Variants in TM2D1 observed in about 807,000 individuals in gnomAD.
TM2D1 encodes the protein TM2 domain-containing protein 1.
A neutral mutation model predicts 28.4 loss-of-function variants in TM2D1; 15 were observed. The ratio of observed to expected loss-of-function variants is 0.53; its 90% CI spans 0.35 to 0.81. The LOEUF is 0.81. TM2D1 is among the 40% of genes least tolerant of loss of function. The pLI is 0.01. For synonymous variants in TM2D1, 93 were observed against 96.2 expected (o/e 0.97, Z 0.20); for missense variants, 236 against 254.9 (o/e 0.93, Z 0.50).
At chr1:61,693,820 A>G (rs1163938901) in intron 5 of TM2D1, among the ~76,000 whole-genome samples, 1 of 152,244 alleles carries the variant, frequency 6.6e-6, no homozygotes, top group Non-Finnish European at 1.5e-5. Context: ...CACACTTGCT[A>G]AAGACGTTAG....
At chr1:61,705,204 T>C (rs1490263194) in intron 3 of TM2D1, among the ~76,000 whole-genome samples, 2 of 152,070 alleles carry the variant, frequency 1.3e-5, no homozygotes, top group Admixed American at 6.6e-5. Flanking sequence ...CACCGAGCCA[T>C]TTCTCTTTCT....
chr1:61,722,798 A>G (rs963084676), intron 2 of TM2D1, among the ~76,000 whole-genome samples: 5 of 152,152 alleles, frequency 3.3e-5, no homozygotes, highest in African/African-American at 1.2e-4. Context: ...ACACATAAAG[A>G]AGAGTTAGTT....
intron 4 of TM2D1, chr1:61,700,100 G>T: frequency 6.9e-7 from 1 of 1,444,490 alleles, no homozygotes; most frequent in Non-Finnish European, 9.1e-7. Flanking sequence ...TCTGGAGCCA[G>T]AAAATTTGGG....
At chr1:61,714,384 T>C (rs745683603) in intron 2 of TM2D1, among the ~76,000 whole-genome samples, 2 of 151,654 alleles carry the variant, frequency 1.3e-5, no homozygotes, top group African/African-American at 2.4e-5. Flanking sequence ...CTACTAAAAA[T>C]AGAAAAATCA....
chr1:61,704,429 T>C (rs1450067805), intron 3 of TM2D1, among the ~76,000 whole-genome samples: 1 of 151,964 alleles, frequency 6.6e-6, no homozygotes, highest in Non-Finnish European at 1.5e-5. Flanking sequence ...GTTTTTTGTT[T>C]TGTTTTGTTT....
chr1:61,706,121 C>T (rs1022443144), intron 3 of TM2D1, among the ~76,000 whole-genome samples: 2 of 152,104 alleles, frequency 1.3e-5, no homozygotes, highest in Non-Finnish European at 2.9e-5. Context: ...ATTATTTATC[C>T]AGTTATCTTA....
intron 2 of TM2D1, among the ~76,000 whole-genome samples, chr1:61,723,403 T>C (rs1183712260): frequency 1.3e-5 from 2 of 152,214 alleles, no homozygotes; most frequent in Non-Finnish European, 2.9e-5. Context: ...GATATGCTTA[T>C]TAATTTGGGG....
At chr1:61,686,045 T>C (rs1484076946) in intron 5 of TM2D1, among the ~76,000 whole-genome samples, 4 of 152,110 alleles carry the variant, frequency 2.6e-5, no homozygotes, top group Non-Finnish European at 5.9e-5. Context: ...GGTAAAGCAC[T>C]AAACTGAAAG....
rs1644559149 is a variant in TM2D1 at position 61,720,973 on chromosome 1, C to A, written c.238+2740G>T. ...TGGTGGCTCATGTCTGTAATCCCAG[C>A]ACTTTGGAAAGCCAAGCAGGTGGAT... is the stretch of plus-strand genomic sequence containing the variant. On this transcript the variant is annotated intron_variant, in intron 2 of 6. Coordinates refer to ENST00000606498, the MANE Select transcript of TM2D1 (RefSeq NM_032027.3). Among the ~76,000 whole-genome samples, 2 of 152,072 alleles carry A rather than the reference C, an allele frequency of 1.3e-5. 1 individual carries two copies. The highest frequency in any genetic ancestry group is 4.1e-4 in the South Asian group (2 of 4,826).
At chr1:61,683,340 A>G (rs1557523301) in intron 6 of TM2D1, 77 bp downstream of exon 6, 1 of 474,824 alleles carries the variant, frequency 2.1e-6, no homozygotes, top group Non-Finnish European at 3.5e-6. Context: ...AAAATTTTCT[A>G]TGGTCCTAAA....
chr1:61,691,589 G>C (rs769186230), intron 5 of TM2D1, among the ~76,000 whole-genome samples: 1 of 149,604 alleles, frequency 6.7e-6, no homozygotes, highest in Non-Finnish European at 1.5e-5. Context: ...TAAAAAACTC[G>C]TATTATCTAA....
intron 2 of TM2D1, among the ~76,000 whole-genome samples, chr1:61,714,139 C>T (rs1244293934): frequency 6.7e-6 from 1 of 148,288 alleles, no homozygotes; most frequent in African/African-American, 2.5e-5. Flanking sequence ...TCATGATCCA[C>T]CCGCCTCGGC....
intron 5 of TM2D1, among the ~76,000 whole-genome samples, chr1:61,688,433 T>C (rs1289194442): frequency 6.6e-6 from 1 of 152,192 alleles, no homozygotes; most frequent in Non-Finnish European, 1.5e-5. Flanking sequence ...GTCTATAAAA[T>C]GTCCTCTGTG....
At chr1:61,690,662 T>G (rs116421762) in intron 5 of TM2D1, among the ~76,000 whole-genome samples, 3,377 of 152,196 alleles carry the variant, frequency 0.022, 122 homozygotes, top group African/African-American at 0.077. Flanking sequence ...CAGTTTCAAA[T>G]CAGCAAAAAT....
In TM2D1 at chr1:61,683,322, G is replaced by A. The variant is rs918548726; in HGVS notation, c.*19+95C>T. On this transcript the variant is annotated intron_variant, in intron 6 of 6. Transcript: ENST00000606498. The stretch of plus-strand genomic sequence containing the variant: ...ATAGGGGTACCTGAGAGGTTTATAC[G>A]GTTTCTTAAAATTTTCTATGGTCCT... 10 of 420,822 alleles carry A rather than the reference G, an allele frequency of 2.4e-5. No homozygotes were observed. The East Asian group carries it at 2.5e-4, about 10-fold the overall frequency. The allele number at this position is 420,822 out of a possible 1,614,324, so 26.1% of individuals were successfully genotyped here. A position where few individuals can be genotyped will look rare whatever the true frequency, so the allele number is the denominator to read the frequency against.
chr1:61,724,996 C>T lies in TM2D1; in HGVS notation c.125G>A (p.Gly42Asp), dbSNP rs768396945. 23 of 1,608,824 alleles carry T rather than the reference C, an allele frequency of 1.4e-5. No individual in the cohort carries two copies. Among genetic ancestry groups the T allele is most frequent in the African/African-American group, 4.0e-5 (3 of 74,860 alleles). Residue 42 changes from glycine (G) to aspartate (D), a missense_variant, in exon 1 of 7, where the codon GGC (glycine) becomes GAC (aspartate). Physicochemically the swap from Gly to Asp is moderately conservative, Grantham distance 94. Coordinates refer to ENST00000606498, the MANE Select transcript of TM2D1 (RefSeq NM_032027.3). ...GTCCTCGCACTTAAGCGACTCCTCG[C>T]CCCCGGCGGAGGTGGCAACAGCCCC... ...PWGAVATSAG[G>D]EESLKCEDLK...
Position 61,701,001 on chromosome 1 carries a change from T to C in TM2D1, c.372A>G (p.Ala124=). ...RNVNGYSYKV[A]VALSLFLGWL... The stretch of plus-strand genomic sequence containing the variant: ...ATCCAAGAAAAAGAGACAATGCGAC[T>C]GCCACTTTGTAGGAATAGCCATTTC... Residue 124 remains alanine, a synonymous_variant, in exon 4 of 7, where the codon GCA becomes GCG. Transcript: ENST00000606498. 6.2e-7 allele frequency: 1 copy of C among 1,611,856 alleles called. No homozygotes were observed. The highest frequency in any genetic ancestry group is 1.7e-4 in the Middle Eastern group (1 of 6,058).
intron 1 of TM2D1, 105 bp downstream of exon 1, chr1:61,724,852 A>G: frequency 1.6e-6 from 2 of 1,236,982 alleles, no homozygotes; most frequent in Non-Finnish European, 2.2e-6. Flanking sequence ...AGATCAGATT[A>G]TCGTTTTCAC....
chr1:61,717,476 G>A (rs2148066708), intron 2 of TM2D1, among the ~76,000 whole-genome samples: 1 of 152,274 alleles, frequency 6.6e-6, no homozygotes, highest in Admixed American at 6.5e-5. Context: ...TTGCAAAAAG[G>A]TTTGGTTCTG....
Sources: allele counts gnomAD v4.1 joint callset (sites outside exome capture counted in the v4.1 genomes callset), GRCh38; gene constraint gnomAD v4.1.1; transcripts MANE v1.5; gene names NCBI Gene and HGNC (gene_info 2026-07-23, HGNC 2026-07-21).